GREM2: variants seen among roughly 807,000 people sequenced by gnomAD.
GREM2 encodes gremlin-2.
Under a neutral mutation model 14.2 loss-of-function variants are expected in GREM2, and 11 were observed. The ratio of observed to expected loss-of-function variants is 0.78; its 90% CI spans 0.49 to 1.28. GREM2 has a LOEUF of 1.28. GREM2 is among the 50% of genes most tolerant of loss of function. GREM2 has a pLI of 0.00. For synonymous variants in GREM2, 98 were observed against 97.6 expected (o/e 1.00, Z -0.02); for missense variants, 210 against 218.5 (o/e 0.96, Z 0.24).
At chr1:240,503,807 A>AGACT (rs1390098949) in intron 1 of GREM2, among the ~76,000 whole-genome samples, 1 of 152,168 alleles carries the variant, frequency 6.6e-6, no homozygotes, top group African/African-American at 2.4e-5. Context: ...TGGTCATGAC[A>AGACT]GACTGCCTTC....
chr1:240,605,531 A>G (rs1680008521), intron 1 of GREM2, among the ~76,000 whole-genome samples: 1 of 152,126 alleles, frequency 6.6e-6, no homozygotes. Context: ...GGTAAAAAGT[A>G]TCCTTATAGA....
At chr1:240,513,969 G>A (rs567424294) in intron 1 of GREM2, among the ~76,000 whole-genome samples, 3 of 28,182 alleles carry the variant, frequency 1.1e-4, no homozygotes, top group African/African-American at 8.3e-4. Context: ...GAAATAGTCC[G>A]GTGCGGTGGC....
At chr1:240,593,027 C>A (rs1679741845) in intron 1 of GREM2, among the ~76,000 whole-genome samples, 1 of 151,714 alleles carries the variant, frequency 6.6e-6, no homozygotes, top group South Asian at 2.1e-4. Context: ...GCCTGTAATC[C>A]TAGCTACTCG....
chr1:240,547,509 AAAAAAATAT>A (rs1408249178), intron 1 of GREM2, among the ~76,000 whole-genome samples: 2 of 103,078 alleles, frequency 1.9e-5, no homozygotes, highest in African/African-American at 9.2e-5. Context: ...CAAAAAAAAA[AAAAAAATAT>A]ATATATATAT....
intron 1 of GREM2, among the ~76,000 whole-genome samples, chr1:240,558,496 G>A (rs1678988601): frequency 6.6e-6 from 1 of 151,984 alleles, no homozygotes; most frequent in Non-Finnish European, 1.5e-5. Context: ...TAAATAGAAT[G>A]GAAAGGGAAA....
chr1:240,503,849 C>T (rs1487398787), intron 1 of GREM2, among the ~76,000 whole-genome samples: 2 of 152,144 alleles, frequency 1.3e-5, no homozygotes, highest in Admixed American at 6.5e-5. Flanking sequence ...TAGCTATTGT[C>T]TGCACATTTT....
chr1:240,558,168 G>A (rs1678983619), intron 1 of GREM2, among the ~76,000 whole-genome samples: 1 of 152,064 alleles, frequency 6.6e-6, no homozygotes. Flanking sequence ...TCCACGTGGG[G>A]AGTGAGTAGA....
At chr1:240,541,518 C>A (rs1313483060) in intron 1 of GREM2, among the ~76,000 whole-genome samples, 1 of 152,176 alleles carries the variant, frequency 6.6e-6, no homozygotes, top group Non-Finnish European at 1.5e-5. Flanking sequence ...TGATTGATTT[C>A]CTAGAATGTG....
rs1678618618 is a variant in GREM2 at position 240,542,644 on chromosome 1, A to T, written c.-1-49168T>A. Among the ~76,000 whole-genome samples the T allele has an allele frequency of 2.6e-5, 4 of 151,708 alleles. No individual in the cohort carries two copies. ...TAAATAAATAAATAAATAAATAAAA[A>T]TTTCTAAAGAGCTGATATATTTTTC... On this transcript the variant is annotated intron_variant, in intron 1 of 1. Coordinates refer to ENST00000318160, the MANE Select transcript of GREM2 (RefSeq NM_022469.4). This position sits in a 1 kb window ranked among gnomAD's most constrained non-coding sequence, Gnocchi z 4.1.
At chr1:240,522,342 G>A (rs1678120816) in intron 1 of GREM2, among the ~76,000 whole-genome samples, 1 of 152,046 alleles carries the variant, frequency 6.6e-6, no homozygotes, top group Non-Finnish European at 1.5e-5. Flanking sequence ...CTGGCTTCTG[G>A]CACATTCAAG....
chr1:240,605,632 T>A (rs1045072439), intron 1 of GREM2, among the ~76,000 whole-genome samples: 2 of 152,164 alleles, frequency 1.3e-5, no homozygotes, highest in East Asian at 3.9e-4. Context: ...AATCTTCTAA[T>A]CCAAAAATCA....
At chr1:240,511,280 C>T (rs1312619549) in intron 1 of GREM2, among the ~76,000 whole-genome samples, 1 of 151,956 alleles carries the variant, frequency 6.6e-6, no homozygotes, top group Non-Finnish European at 1.5e-5. Flanking sequence ...AAAACCCAAA[C>T]AATGAAAAAT....
Position 240,502,043 on chromosome 1 carries a change from A to C in GREM2, c.-1-8567T>G, listed in dbSNP as rs1677580014. Among the ~76,000 whole-genome samples, 5 of 152,206 alleles carry C rather than the reference A, an allele frequency of 3.3e-5. No individual in the cohort carries two copies. In the South Asian group the frequency reaches 1.0e-3, roughly 32 times the overall value. On this transcript the variant is annotated intron_variant, in intron 1 of 1. Transcript: ENST00000318160. ...ACCAATCATGCTCTCGTGATTCCAC[A>C]GCCCAAAGACCCCCTCTTCGACCTT... is the stretch of plus-strand genomic sequence containing the variant.
chr1:240,571,623 G>A (rs574101976), intron 1 of GREM2, among the ~76,000 whole-genome samples: 3 of 152,212 alleles, frequency 2.0e-5, no homozygotes, highest in African/African-American at 7.2e-5. Flanking sequence ...TTTTGTACCC[G>A]GGAGGCAGAG....
intron 1 of GREM2, among the ~76,000 whole-genome samples, chr1:240,607,355 T>A (rs1278689725): frequency 2.6e-5 from 4 of 152,092 alleles, no homozygotes; most frequent in Non-Finnish European, 5.9e-5. Flanking sequence ...ACTAGATAAC[T>A]CTCTTCTAGG....
chr1:240,587,210 C>A (rs760294573), intron 1 of GREM2, among the ~76,000 whole-genome samples: 1 of 152,280 alleles, frequency 6.6e-6, no homozygotes, highest in Non-Finnish European at 1.5e-5. Flanking sequence ...AAAACACACA[C>A]TGTCTATATA....
chr1:240,494,769 CG>C (rs1677369227), intron 1 of GREM2, among the ~76,000 whole-genome samples: 1 of 151,976 alleles, frequency 6.6e-6, no homozygotes, highest in African/African-American at 2.4e-5. Context: ...GGCGTGGTGG[CG>C]GGCGCCTGTA....
intron 1 of GREM2, among the ~76,000 whole-genome samples, chr1:240,503,499 A>G (rs572905508): frequency 1.6e-4 from 25 of 152,312 alleles, no homozygotes; most frequent in African/African-American, 4.3e-4. Context: ...AAACCCTTTA[A>G]AGATTTCTCG....
intron 1 of GREM2, among the ~76,000 whole-genome samples, chr1:240,501,086 A>G (rs1677560842): frequency 6.6e-6 from 1 of 152,194 alleles, no homozygotes; most frequent in African/African-American, 2.4e-5. Flanking sequence ...TTTAATTTGC[A>G]TCTCTCTGAT....
Sources: gnomAD v4.1 joint callset for allele counts (sites outside exome capture counted in the v4.1 genomes callset) on GRCh38, gnomAD v4.1.1 for gene constraint, Gnocchi (gnomAD v3.1) non-coding constraint, MANE v1.5 for transcripts, NCBI Gene and HGNC (gene_info 2026-07-23, HGNC 2026-07-21) for gene names.